The following SGSM1 variants were observed in gnomAD, a reference collection of about 807,000 sequenced individuals.
SGSM1 encodes small G protein signaling modulator 1, also known as RUN and TBC1 domain containing 2.
In SGSM1, 73 loss-of-function variants were observed where a neutral mutation model predicts 133.8. The ratio of observed to expected loss-of-function variants is 0.55; its 90% confidence interval spans 0.45 to 0.66. SGSM1 has a LOEUF of 0.66. Among genes scored for constraint, SGSM1 ranks in the 30% least tolerant of loss-of-function variants. The pLI, the probability that SGSM1 is intolerant of heterozygous loss-of-function variation, is 0.00. For missense variants in SGSM1, 1,213 were observed against 1,448.1 expected (o/e 0.84, Z 2.64); for synonymous variants, 563 against 573.0 (o/e 0.98, Z 0.25).
chr22:24,895,104 T>C, intron 17 of SGSM1, 119 bp from the exon 18 acceptor site: 1 of 946,670 alleles, frequency 1.1e-6, no homozygotes, highest in African/African-American at 1.6e-5. Flanking sequence ...GAGAGAGGAC[T>C]TGTGCAAGTT....
intron 2 of SGSM1, among the ~76,000 whole-genome samples, chr22:24,829,730 G>A (rs186353134): frequency 2.0e-5 from 3 of 152,268 alleles, no homozygotes; most frequent in Admixed American, 2.0e-4. Context: ...CTATAAAATG[G>A]AATGATTTGG....
chr22:24,923,284 G>A (rs1479399429), intron 24 of SGSM1, among the ~76,000 whole-genome samples: 1 of 142,860 alleles, frequency 7.0e-6, no homozygotes, highest in African/African-American at 2.5e-5. Context: ...CAGTGCCCCT[G>A]CAAATCACTA....
At chr22:24,905,530 G>A (rs1055590402) in intron 21 of SGSM1, among the ~76,000 whole-genome samples, 1 of 152,200 alleles carries the variant, frequency 6.6e-6, no homozygotes, top group Admixed American at 6.5e-5. Flanking sequence ...GCTCACGCCT[G>A]TAATCCCAGC....
intron 12 of SGSM1, among the ~76,000 whole-genome samples, chr22:24,875,389 A>G (rs1285097545): frequency 6.6e-6 from 1 of 152,232 alleles, no homozygotes; most frequent in African/African-American, 2.4e-5. Flanking sequence ...GAACATGTGC[A>G]TGCTTCCTTT....
chr22:24,855,614 G>A lies in SGSM1; in HGVS notation c.735G>A (p.Val245=), dbSNP rs773504109. The A allele has an allele frequency of 6.2e-7, 1 of 1,613,930 alleles. No individual in the cohort carries two copies. The highest frequency in any genetic ancestry group is 1.1e-5 in the South Asian group (1 of 91,078). The change falls in exon 8 of 25, where the codon GTG becomes GTA. Residue 245 remains valine (V), a synonymous_variant. Coordinates refer to ENST00000400358, the MANE Select transcript of SGSM1 (RefSeq NM_001098497.3). ...DRPSLSARDY[V]ESLHQNSRAT... is the part of the protein sequence containing the mutation. ...CATCCCTCTCTGCCCGCGACTACGT[G>A]GAGTCCCTGCATCAGAACTCCCGTG...
At chr22:24,867,666 CA>C (rs1569155264) in intron 10 of SGSM1, among the ~76,000 whole-genome samples, 1 of 152,162 alleles carries the variant, frequency 6.6e-6, no homozygotes, top group Non-Finnish European at 1.5e-5. Flanking sequence ...TCAATAACTG[CA>C]GTACTTCTTT....
chr22:24,893,840 G>T (rs1174074300), intron 17 of SGSM1, among the ~76,000 whole-genome samples: 3 of 152,096 alleles, frequency 2.0e-5, no homozygotes, highest in South Asian at 2.1e-4. Flanking sequence ...TTTTCTTCTG[G>T]GCCTCAGTTT....
chr22:24,864,758 G>A (rs1489880054), intron 9 of SGSM1, among the ~76,000 whole-genome samples: 1 of 152,208 alleles, frequency 6.6e-6, no homozygotes, highest in Non-Finnish European at 1.5e-5. Context: ...TGTGATGATG[G>A]TTGCCCAAAT....
chr22:24,874,619 C>T (rs1476253378), intron 12 of SGSM1: 1 of 1,534,106 alleles, frequency 6.5e-7, no homozygotes, highest in Non-Finnish European at 8.8e-7. Flanking sequence ...GGCTGGGTGC[C>T]AGCCACCTCT....
chr22:24,821,228 G>T (rs921564109), intron 2 of SGSM1, among the ~76,000 whole-genome samples: 7 of 152,174 alleles, frequency 4.6e-5, no homozygotes, highest in African/African-American at 1.7e-4. Context: ...GTAGAGATGG[G>T]GTTTGACCAT....
intron 4 of SGSM1, among the ~76,000 whole-genome samples, chr22:24,849,974 A>G (rs12159256): frequency 0.072 from 10,979 of 152,046 alleles, 1,258 homozygotes; most frequent in African/African-American, 0.24. Context: ...TGGGGACCCA[A>G]TGAAGGATCT....
intron 18 of SGSM1, 47 bp downstream of exon 18, chr22:24,895,338 C>T: frequency 4.4e-6 from 7 of 1,579,238 alleles, no homozygotes; most frequent in Non-Finnish European, 6.0e-6. Context: ...CCTCTCCCTT[C>T]TGCCTGGGGT....
chr22:24,882,744 A>G (rs73157903), intron 14 of SGSM1, among the ~76,000 whole-genome samples: 2,900 of 152,244 alleles, frequency 0.019, 56 homozygotes, highest in East Asian at 0.091. Flanking sequence ...TCCCATTATA[A>G]GTAAGAACAT....
At chr22:24,912,610 G>A (rs751255828) in intron 21 of SGSM1, 33 bp from the exon 22 acceptor site, 14 of 1,414,978 alleles carry the variant, frequency 9.9e-6, no homozygotes, top group South Asian at 8.3e-5. Flanking sequence ...CTTGGGCAGC[G>A]GGGCATCTGA....
chr22:24,877,634 C>G (rs899729872), intron 13 of SGSM1, among the ~76,000 whole-genome samples: 3 of 151,860 alleles, frequency 2.0e-5, no homozygotes, highest in Non-Finnish European at 2.9e-5. Context: ...GTCATCCAAT[C>G]CCCTGGTTCC....
chr22:24,884,495 G>A (rs1208211166), intron 15 of SGSM1, among the ~76,000 whole-genome samples: 1 of 152,174 alleles, frequency 6.6e-6, no homozygotes, highest in Non-Finnish European at 1.5e-5. Context: ...GGTGGCTCAC[G>A]CCTGTAATCC....
intron 2 of SGSM1, among the ~76,000 whole-genome samples, chr22:24,830,493 G>C: frequency 6.6e-6 from 1 of 152,118 alleles, no homozygotes; most frequent in Non-Finnish European, 1.5e-5. Context: ...ACTGTCATGG[G>C]GGCAACAGGA....
chr22:24,913,789 G>A (rs1933719596), intron 22 of SGSM1, among the ~76,000 whole-genome samples: 1 of 152,154 alleles, frequency 6.6e-6, no homozygotes, highest in Non-Finnish European at 1.5e-5. Flanking sequence ...GGAGGCAGAG[G>A]CGGGCGGATC....
At chr22:24,916,057 A>G (rs935135584) in intron 22 of SGSM1, among the ~76,000 whole-genome samples, 1 of 151,784 alleles carries the variant, frequency 6.6e-6, no homozygotes, top group Non-Finnish European at 1.5e-5. Context: ...TTTTTATAAG[A>G]GTTTTGTTAA....
Sources: gnomAD v4.1 joint callset for allele counts (sites outside exome capture counted in the v4.1 genomes callset) on GRCh38, gnomAD v4.1.1 for gene constraint, MANE v1.5 for transcripts, NCBI Gene and HGNC (gene_info 2026-07-23, HGNC 2026-07-21) for gene names.